Variants in SEC24B observed in about 807,000 individuals in gnomAD.
The protein encoded by SEC24B is SEC24 homolog B, COPII component, also known as protein transport protein Sec24B.
A neutral mutation model predicts 142.8 loss-of-function variants in SEC24B; 45 were observed. That is an observed-to-expected ratio of 0.32 (90% CI 0.25 to 0.40). SEC24B has a LOEUF of 0.40. Ranked by LOEUF, SEC24B falls within the 10% of genes least tolerant of loss-of-function variation. SEC24B has a pLI of 1.00. For missense variants in SEC24B, 1,409 were observed against 1,526.8 expected (o/e 0.92, Z 1.29); for synonymous variants, 574 against 568.2 (o/e 1.01, Z -0.15).
intron 1 of SEC24B, among the ~76,000 whole-genome samples, chr4:109,457,991 C>A (rs570466669): frequency 3.3e-5 from 5 of 152,172 alleles, no homozygotes; most frequent in African/African-American, 1.2e-4. Context: ...AATCTTTTAG[C>A]GGGCCACTCT....
At chr4:109,506,958 A>C (rs766113514) in intron 7 of SEC24B, among the ~76,000 whole-genome samples, 8 of 152,034 alleles carry the variant, frequency 5.3e-5, no homozygotes, top group Non-Finnish European at 1.2e-4. Flanking sequence ...TTCTTTTCCC[A>C]CTCAATATAG....
chr4:109,508,173 A>G (rs1736918200), intron 7 of SEC24B, among the ~76,000 whole-genome samples: 1 of 152,188 alleles, frequency 6.6e-6, no homozygotes, highest in South Asian at 2.1e-4. Context: ...GGTTGAAAAC[A>G]GCTGCCCATC....
At chr4:109,468,680 G>A (rs1732209783) in intron 2 of SEC24B, among the ~76,000 whole-genome samples, 1 of 152,126 alleles carries the variant, frequency 6.6e-6, no homozygotes, top group South Asian at 2.1e-4. Flanking sequence ...TCTAGGTGAA[G>A]GATGATAACT....
intron 9 of SEC24B, among the ~76,000 whole-genome samples, 197 bp from the exon 10 acceptor site, chr4:109,513,550 G>C (rs1321534091): frequency 6.6e-6 from 1 of 152,294 alleles, no homozygotes; most frequent in East Asian, 1.9e-4. Flanking sequence ...CCAAAGTGCT[G>C]GGATTGCAGG....
intron 18 of SEC24B, among the ~76,000 whole-genome samples, chr4:109,528,459 A>G (rs201455326): frequency 5.3e-5 from 8 of 151,892 alleles, no homozygotes; most frequent in South Asian, 2.1e-4. Flanking sequence ...CTACATACAA[A>G]TGATTCTATA....
chr4:109,506,778 C>G (rs542858614), intron 7 of SEC24B, among the ~76,000 whole-genome samples: 1 of 152,158 alleles, frequency 6.6e-6, no homozygotes, highest in South Asian at 2.1e-4. Flanking sequence ...CCAAATATAA[C>G]TATATTTTTT....
At chr4:109,507,467 T>A (rs1736820161) in intron 7 of SEC24B, among the ~76,000 whole-genome samples, 1 of 151,816 alleles carries the variant, frequency 6.6e-6, no homozygotes, top group African/African-American at 2.4e-5. Context: ...AGAGATGGGG[T>A]TTCACCATGT....
Position 109,481,723 on chromosome 4 carries a change from A to G in SEC24B, c.1107A>G (p.Pro369=), listed in dbSNP as rs1293175028. ...EYVNNQASSA[P]TPLSSTSDDE... is the part of the protein sequence containing the mutation. Reference sequence around the variant, plus strand: ...TTAATAACCAAGCTAGCTCCGCACCAACTCCCTTGTCATCAACTTCCGATG... The same window carrying G: ...TTAATAACCAAGCTAGCTCCGCACCGACTCCCTTGTCATCAACTTCCGATG... Residue 369 remains proline, a synonymous_variant, in exon 4 of 24, where the codon CCA becomes CCG. Transcript: ENST00000265175. The G allele has an allele frequency of 6.2e-7, 1 of 1,613,890 alleles. No individual in the cohort carries two copies.
intron 4 of SEC24B, among the ~76,000 whole-genome samples, chr4:109,482,147 G>T (rs1178088204): frequency 6.6e-6 from 1 of 152,050 alleles, no homozygotes; most frequent in Non-Finnish European, 1.5e-5. Context: ...TTTCTGCTTT[G>T]CCTGCTACTT....
rs770210135 is a variant in SEC24B at position 109,463,246 on chromosome 4, A to G, written c.479A>G (p.Asn160Ser). The G allele has an allele frequency of 7.4e-6, 12 of 1,614,024 alleles. No individual in the cohort carries two copies. The highest frequency in any genetic ancestry group is 6.6e-5 in the South Asian group (6 of 91,082). The change falls in exon 2 of 24, where the codon AAT becomes AGT. Residue 160 changes from asparagine (N) to serine (S), a missense_variant. Coordinates refer to ENST00000265175, the MANE Select transcript of SEC24B (RefSeq NM_006323.5). ...QPYSSFVNHY[N>S]SPAMYSASSS... The stretch of plus-strand genomic sequence containing the variant: ...TACTCCTCTTTTGTGAATCACTACA[A>G]TAGTCCAGCCATGTACTCTGCCAGC...
At chr4:109,435,010 T>C (rs1728269879) in intron 1 of SEC24B, among the ~76,000 whole-genome samples, 1 of 152,230 alleles carries the variant, frequency 6.6e-6, no homozygotes, top group South Asian at 2.1e-4. Context: ...ATTGACTGAA[T>C]TTAGAAAAAT....
intron 1 of SEC24B, among the ~76,000 whole-genome samples, chr4:109,446,655 C>T (rs1247217280): frequency 3.3e-5 from 5 of 152,116 alleles, no homozygotes; most frequent in Admixed American, 6.5e-5. Flanking sequence ...TTTTCTTATA[C>T]GTGAACAGGG....
intron 3 of SEC24B, among the ~76,000 whole-genome samples, chr4:109,477,244 A>G (rs1479402107): frequency 6.6e-6 from 1 of 151,474 alleles, no homozygotes; most frequent in African/African-American, 2.4e-5. Flanking sequence ...GTTTTACTCT[A>G]TCAGCAGTTA....
At chr4:109,445,396 A>G (rs1410718054) in intron 1 of SEC24B, among the ~76,000 whole-genome samples, 1 of 137,874 alleles carries the variant, frequency 7.3e-6, no homozygotes, top group South Asian at 2.4e-4. Flanking sequence ...GGCGCCCGCC[A>G]CCACGCCCAG....
At chr4:109,492,348 C>T (rs1222965342) in intron 5 of SEC24B, among the ~76,000 whole-genome samples, 1 of 151,940 alleles carries the variant, frequency 6.6e-6, no homozygotes, top group African/African-American at 2.4e-5. Context: ...AAGTTGTAAA[C>T]CATTCCAAAA....
intron 1 of SEC24B, among the ~76,000 whole-genome samples, chr4:109,449,835 C>T (rs1418950079): frequency 2.0e-5 from 3 of 152,146 alleles, no homozygotes; most frequent in Non-Finnish European, 4.4e-5. Flanking sequence ...AGAGGGATGT[C>T]TACGAGGTTC....
chr4:109,525,334 TTC>T lies in SEC24B; in HGVS notation c.2633-6_2633-5del. The T allele has an allele frequency of 1.3e-6, 2 of 1,562,902 alleles. No individual in the cohort carries two copies. Among genetic ancestry groups the T allele is most frequent in the South Asian group, 2.5e-5 (2 of 80,444 alleles). On this transcript the variant is annotated splice_polypyrimidine_tract_variant and intron_variant, in intron 15 of 23. Transcript: ENST00000265175. Reference sequence around the variant, plus strand: ...TTTCTATAGCTAATACTTTTTGTATTTCTCTCTAAAGCTTGCATGTCCAAGTA... The same window carrying T: ...TTTCTATAGCTAATACTTTTTGTATTTCTCTAAAGCTTGCATGTCCAAGTA...
At chr4:109,536,278 G>A (rs976268908) in intron 22 of SEC24B, among the ~76,000 whole-genome samples, 1 of 152,116 alleles carries the variant, frequency 6.6e-6, no homozygotes, top group Admixed American at 6.5e-5. Flanking sequence ...AGATCAGTGG[G>A]ACAGAATAGA....
chr4:109,475,795 A>G (rs1337862493), intron 3 of SEC24B, among the ~76,000 whole-genome samples: 1 of 152,086 alleles, frequency 6.6e-6, no homozygotes, highest in Non-Finnish European at 1.5e-5. Context: ...TTGATGGCAT[A>G]TCCCCTTTCC....
Sources: gnomAD v4.1 joint callset for allele counts (sites outside exome capture counted in the v4.1 genomes callset) on GRCh38, gnomAD v4.1.1 for gene constraint, MANE v1.5 for transcripts, NCBI Gene and HGNC (gene_info 2026-07-23, HGNC 2026-07-21) for gene names.